The following PTPRT variants were observed in gnomAD, a reference collection of about 807,000 sequenced individuals.
The protein encoded by PTPRT is receptor-type tyrosine-protein phosphatase T.
PTPRT carries 56 observed loss-of-function variants against 176.8 expected under a neutral mutation model. That is an observed-to-expected ratio of 0.32 (90% CI 0.26 to 0.40). The LOEUF (loss-of-function observed/expected upper bound fraction) is 0.40. Ranked by LOEUF, PTPRT falls within the 10% of genes least tolerant of loss-of-function variation. PTPRT has a pLI of 1.00. For missense variants in PTPRT, 1,540 were observed against 1,908.2 expected (o/e 0.81, Z 3.60); for synonymous variants, 783 against 739.0 (o/e 1.06, Z -0.96).
intron 13 of PTPRT, chr20:42,270,481 C>G: frequency 6.5e-7 from 1 of 1,549,914 alleles, no homozygotes; most frequent in African/African-American, 1.4e-5. Context: ...AGTCCCCAGG[C>G]AGCATGCAGA....
chr20:42,967,208 A>G (rs1982347014), intron 1 of PTPRT, among the ~76,000 whole-genome samples: 1 of 152,182 alleles, frequency 6.6e-6, no homozygotes, highest in Non-Finnish European at 1.5e-5. Flanking sequence ...CCCCCAGAAG[A>G]TAAGTCCATC....
intron 8 of PTPRT, among the ~76,000 whole-genome samples, chr20:42,464,504 T>C (rs1327916374): frequency 6.6e-6 from 1 of 152,206 alleles, no homozygotes; most frequent in Non-Finnish European, 1.5e-5. Flanking sequence ...CACAACTGTA[T>C]CGATAGCATC....
chr20:43,055,681 C>T (rs1268006081), intron 1 of PTPRT, among the ~76,000 whole-genome samples: 2 of 152,314 alleles, frequency 1.3e-5, no homozygotes, highest in East Asian at 1.9e-4. Context: ...CTGCATTCCT[C>T]AAACAGCAAG....
chr20:42,317,182 T>C (rs2057733142), intron 11 of PTPRT, among the ~76,000 whole-genome samples: 2 of 152,230 alleles, frequency 1.3e-5, no homozygotes, highest in South Asian at 4.1e-4. Flanking sequence ...AAACAGCGAT[T>C]GCCTTGAGTT....
chr20:42,351,079 A>C (rs2058276553), intron 10 of PTPRT, among the ~76,000 whole-genome samples: 1 of 151,626 alleles, frequency 6.6e-6, no homozygotes. Flanking sequence ...TTTAAAATGC[A>C]AATTACATCA....
intron 12 of PTPRT, among the ~76,000 whole-genome samples, chr20:42,292,845 G>C (rs1407010409): frequency 2.0e-5 from 3 of 152,182 alleles, no homozygotes; most frequent in African/African-American, 4.8e-5. Context: ...ACGTAATGTG[G>C]TAGCCTCCTC....
intron 1 of PTPRT, among the ~76,000 whole-genome samples, chr20:43,018,922 C>A (rs143595245): frequency 1.3e-5 from 2 of 152,088 alleles, no homozygotes; most frequent in Non-Finnish European, 2.9e-5. Context: ...GGAAATGTGA[C>A]AATATTTATT....
In PTPRT at chr20:42,616,507, G is replaced by A. The variant is rs1375698749; in HGVS notation, c.1153+61359C>T. On this transcript the variant is annotated intron_variant, in intron 7 of 30. Coordinates refer to ENST00000373187, the MANE Select transcript of PTPRT (RefSeq NM_007050.6). ...TTGGTAGCTTGATGGGGATGGCATT[G>A]AAACTGTAAATTACCTTGGGCAGTA... Among the ~76,000 whole-genome samples, 12 of 128,876 alleles carry A rather than the reference G, an allele frequency of 9.3e-5. 1 individual carries two copies. The highest frequency in any genetic ancestry group is 4.4e-4 in the Admixed American group (6 of 13,642). 84.5% of individuals were successfully genotyped at this position (128,876 alleles called of 152,430 possible). A position where few individuals can be genotyped will look rare whatever the true frequency, so the allele number is the denominator to read the frequency against.
chr20:42,700,059 G>A (rs2075951250), intron 6 of PTPRT, among the ~76,000 whole-genome samples: 1 of 152,060 alleles, frequency 6.6e-6, no homozygotes, highest in African/African-American at 2.4e-5. Context: ...CTACCAGCTT[G>A]GCCACTGGGC....
intron 9 of PTPRT, among the ~76,000 whole-genome samples, chr20:42,395,680 A>G (rs1195065301): frequency 1.3e-5 from 2 of 152,066 alleles, no homozygotes; most frequent in Non-Finnish European, 2.9e-5. Context: ...TAACTCACCA[A>G]TGACCTCTCT....
At chr20:42,562,365 T>C (rs1195982138) in intron 7 of PTPRT, among the ~76,000 whole-genome samples, 5 of 152,232 alleles carry the variant, frequency 3.3e-5, no homozygotes, top group Admixed American at 3.3e-4. Flanking sequence ...GTATATACTG[T>C]TTGCGTCCAG....
intron 7 of PTPRT, among the ~76,000 whole-genome samples, chr20:42,530,591 A>G (rs1381117560): frequency 1.3e-5 from 2 of 152,246 alleles, no homozygotes; most frequent in Non-Finnish European, 2.9e-5. Flanking sequence ...TGGGAAAAGG[A>G]AATTCAACCT....
chr20:42,498,067 C>T (rs549650640), intron 7 of PTPRT, among the ~76,000 whole-genome samples: 5 of 152,146 alleles, frequency 3.3e-5, no homozygotes, highest in East Asian at 3.9e-4. Flanking sequence ...ATGGGTATCA[C>T]GGTGTTTTTC....
At chr20:42,403,142 G>T (rs2058926632) in intron 9 of PTPRT, among the ~76,000 whole-genome samples, 1 of 151,910 alleles carries the variant, frequency 6.6e-6, no homozygotes, top group African/African-American at 2.4e-5. Context: ...TTTTTACATA[G>T]TTTCAGTCAT....
chr20:42,879,540 T>C (rs1430860553), intron 2 of PTPRT, among the ~76,000 whole-genome samples: 3 of 152,202 alleles, frequency 2.0e-5, no homozygotes. Context: ...CATTTACAGA[T>C]ATCAGGGGTT....
chr20:42,896,018 T>C lies in PTPRT; in HGVS notation c.89-10086A>G, dbSNP rs2079289829. ...TCTGGGAACTGGAGGGAGGAACACG[T>C]CTCCCATTGTCTGCTAGCCCTACGG... On this transcript the variant is annotated intron_variant, in intron 1 of 30. Transcript: ENST00000373187. Among the ~76,000 whole-genome samples, 8 of 152,154 alleles carry C rather than the reference T, an allele frequency of 5.3e-5. 1 individual carries two copies. In the South Asian group the frequency reaches 1.4e-3, roughly 28 times the overall value.
At chr20:42,396,315 A>G (rs1360789835) in intron 9 of PTPRT, among the ~76,000 whole-genome samples, 1 of 151,986 alleles carries the variant, frequency 6.6e-6, no homozygotes, top group Non-Finnish European at 1.5e-5. Flanking sequence ...GAATTCTACT[A>G]CTTCTCATCA....
chr20:42,741,160 G>C (rs1041650595), intron 6 of PTPRT, among the ~76,000 whole-genome samples: 4 of 152,132 alleles, frequency 2.6e-5, no homozygotes, highest in African/African-American at 9.7e-5. Flanking sequence ...AAACCCCTAG[G>C]AATAGGCACA....
At chr20:42,111,284 G>C (rs563949029) in intron 22 of PTPRT, among the ~76,000 whole-genome samples, 1 of 149,306 alleles carries the variant, frequency 6.7e-6, no homozygotes, top group South Asian at 2.1e-4. Context: ...CACTGAATAG[G>C]AAGAGTCTGT....
Sources: gnomAD v4.1 joint callset for allele counts (sites outside exome capture counted in the v4.1 genomes callset) on GRCh38, gnomAD v4.1.1 for gene constraint, MANE v1.5 for transcripts, NCBI Gene and HGNC (gene_info 2026-07-23, HGNC 2026-07-21) for gene names.